The following PTCH1 variants were observed in gnomAD, a reference collection of about 807,000 sequenced individuals.
PTCH1 encodes the protein patched 1, also known as protein patched homolog 1.
Under a neutral mutation model 144.6 loss-of-function variants are expected in PTCH1, and 14 were observed. That is an observed-to-expected ratio of 0.10 (90% CI 0.06 to 0.15). PTCH1 has a LOEUF of 0.15. PTCH1 is among the 10% of genes least tolerant of loss of function. PTCH1 has a pLI of 1.00. For missense variants in PTCH1, 1,623 were observed against 1,948.3 expected (o/e 0.83, Z 3.14); for synonymous variants, 833 against 793.6 (o/e 1.05, Z -0.83).
In PTCH1 at chr9:95,444,666, G is replaced by A. The variant is rs1403905169; in HGVS notation, c.*1727C>T. The A allele has an allele frequency of 6.6e-6, 1 of 152,322 alleles. No homozygotes were observed. The highest frequency in any genetic ancestry group is 1.5e-5 in the Non-Finnish European group (1 of 68,144). 9.4% of individuals were successfully genotyped at this position (152,322 alleles called of 1,614,324 possible). The stretch of plus-strand genomic sequence containing the variant: ...GATTTCCCAGGTAATTTAAAAGGGA[G>A]TAACAGGAGCTGCCACTCGTGAGCG... On this transcript the variant is annotated 3_prime_UTR_variant, in exon 24 of 24. Coordinates refer to ENST00000331920, the MANE Select transcript of PTCH1 (RefSeq NM_000264.5).
chr9:95,485,623 C>G, intron 3 of PTCH1, 62 bp downstream of exon 3: 1 of 1,599,030 alleles, frequency 6.3e-7, no homozygotes, highest in Admixed American at 1.7e-5. Flanking sequence ...GGGCCTAAAC[C>G]AGCAGCCTTC....
At chr9:95,506,128 G>A (rs1170917149) in intron 2 of PTCH1, 1 of 182,914 alleles carries the variant, frequency 5.5e-6, no homozygotes, top group Admixed American at 6.3e-5. Context: ...CCGGCGCGCA[G>A]AGTGGTCCGT....
At position 95,508,370 on chromosome 9, in the gene PTCH1, C is replaced by CGCT; in HGVS notation, c.-10_-9insAGC. ...TTACCAGCCGAGGCCATGTTGCCGC[C>CGCT]GCCGCCGCCGCCGCCGCGGGGACGG... is the stretch of plus-strand genomic sequence containing the variant. On this transcript the variant is annotated 5_prime_UTR_variant, in exon 1 of 24. Coordinates refer to ENST00000331920, the MANE Select transcript of PTCH1 (RefSeq NM_000264.5). 9.0e-7 allele frequency: 1 copy of CGCT among 1,116,232 alleles called. No individual in the cohort carries two copies. Among genetic ancestry groups the CGCT allele is most frequent in the Non-Finnish European group, 1.1e-6 (1 of 906,280 alleles). 69.1% of individuals were successfully genotyped at this position (1,116,232 alleles called of 1,614,324 possible).
chr9:95,455,882 T>G (rs1434749392), intron 19 of PTCH1, among the ~76,000 whole-genome samples: 2 of 152,142 alleles, frequency 1.3e-5, no homozygotes, highest in African/African-American at 4.8e-5. Flanking sequence ...TCCCCACTGT[T>G]CCTGTTGTTT....
At position 95,458,429 on chromosome 9, in the gene PTCH1, T is replaced by C; in HGVS notation, c.2888-136A>G. 2 of 1,167,390 alleles carry C rather than the reference T, an allele frequency of 1.7e-6. No individual in the cohort carries two copies. The highest frequency in any genetic ancestry group is 2.7e-5 in the South Asian group (2 of 75,140). 72.3% of individuals were successfully genotyped at this position (1,167,390 alleles called of 1,614,324 possible). On this transcript the variant is annotated intron_variant, in intron 17 of 23. Coordinates refer to ENST00000331920, the MANE Select transcript of PTCH1 (RefSeq NM_000264.5). The surrounding 1 kb of genome is among the most constrained non-coding windows in gnomAD (Gnocchi z 4.7). Reference sequence around the variant, plus strand: ...TGATACAAAGAACAAACAATGCTGATCATAGCCTCCAGGCCTTTACGATCT... The same window carrying C: ...TGATACAAAGAACAAACAATGCTGACCATAGCCTCCAGGCCTTTACGATCT...
intron 2 of PTCH1, among the ~76,000 whole-genome samples, chr9:95,498,259 T>C (rs1842919846): frequency 6.6e-6 from 1 of 152,216 alleles, no homozygotes. Context: ...TGCTTCTCAC[T>C]AGCCTTGCTT....
At chr9:95,492,579 T>C (rs1450808452) in intron 2 of PTCH1, among the ~76,000 whole-genome samples, 1 of 152,016 alleles carries the variant, frequency 6.6e-6, no homozygotes, top group African/African-American at 2.4e-5. Context: ...AAATTTCATG[T>C]TTAGAGTTGG....
At chr9:95,502,432 T>C (rs1382211662) in intron 2 of PTCH1, among the ~76,000 whole-genome samples, 2 of 152,226 alleles carry the variant, frequency 1.3e-5, no homozygotes, top group African/African-American at 4.8e-5. Context: ...AATGAACGCT[T>C]CTATTTTTAT....
Position 95,509,196 on chromosome 9 carries a change from T to A in PTCH1, c.-835A>T, listed in dbSNP as rs1376561677. On this transcript the variant is annotated 5_prime_UTR_variant, in exon 1 of 24. Coordinates refer to ENST00000331920, the MANE Select transcript of PTCH1 (RefSeq NM_000264.5). ...CGCAGCAGCTCCTTGATTCAATAGA[T>A]GAGATGGAAGAAGAAAAAAAAGAAC... 7.2e-6 allele frequency among the ~76,000 whole-genome samples: 1 copy of A among 139,060 alleles called. No individual in the cohort carries two copies. The highest frequency in any genetic ancestry group is 1.5e-5 in the Non-Finnish European group (1 of 66,618). 91.2% of individuals were successfully genotyped at this position (139,060 alleles called of 152,430 possible).
At chr9:95,515,949 C>G (rs1844343996) in intron 1 of PTCH1, among the ~76,000 whole-genome samples, 2 of 151,998 alleles carry the variant, frequency 1.3e-5, no homozygotes, top group African/African-American at 4.8e-5. Context: ...TGCGGCTGCT[C>G]CCGCGAGCTG....
chr9:95,506,279 A>G lies in PTCH1; in HGVS notation c.394+128T>C, dbSNP rs1052987881. 6.2e-6 allele frequency: 7 copies of G among 1,126,506 alleles called. No individual in the cohort carries two copies. The South Asian group carries it at 7.8e-5, about 13-fold the overall frequency. The allele number at this position is 1,126,506 out of a possible 1,614,324, so 69.8% of individuals were successfully genotyped here. A position where few individuals can be genotyped will look rare whatever the true frequency, so the allele number is the denominator to read the frequency against. On this transcript the variant is annotated intron_variant, in intron 2 of 23. Coordinates refer to ENST00000331920, the MANE Select transcript of PTCH1 (RefSeq NM_000264.5). ...CGGCCAGGCGCCCAAACAATAAACAATCCCCCGGGTGCGGGCAGGGGGTTT... is the reference window on the plus strand; with the variant it reads ...CGGCCAGGCGCCCAAACAATAAACAGTCCCCCGGGTGCGGGCAGGGGGTTT...
intron 3 of PTCH1, 74 bp downstream of exon 3, chr9:95,485,611 C>T (rs947691751): frequency 1.4e-5 from 22 of 1,563,936 alleles, no homozygotes; most frequent in East Asian, 6.7e-5. Context: ...ACTAAAATAA[C>T]GGGGCCTAAA....
Position 95,461,991 on chromosome 9 carries a change from C to T in PTCH1, c.2568G>A (p.Gln856=), listed in dbSNP as rs766482471. 6.2e-7 allele frequency: 1 copy of T among 1,614,200 alleles called. No individual in the cohort carries two copies. The highest frequency in any genetic ancestry group is 1.1e-5 in the South Asian group (1 of 91,084). ...HYFRDWLQGL[Q]DAFDSDWETG... ...TTTCCCAGTCACTGTCAAATGCATC[C>T]TGAAGTCCTAGAAATGGCAAATGAT... Residue 856 remains glutamine, a synonymous_variant, in exon 16 of 24, where the codon CAG becomes CAA. Transcript: ENST00000331920.
intron 20 of PTCH1, chr9:95,453,205 T>C: frequency 2.3e-6 from 1 of 430,710 alleles, no homozygotes; most frequent in Non-Finnish European, 4.4e-6. Context: ...CAATCTCAGC[T>C]CACTGCAACC....
In PTCH1 at chr9:95,443,063, A is replaced by G. The variant is rs985378655; in HGVS notation, c.*3330T>C. ...ATAAGTATGCTAAGAGAGATGACAG[A>G]AGGACTAATTTTGATGGTTAACTTA... On this transcript the variant is annotated 3_prime_UTR_variant, in exon 24 of 24. Transcript: ENST00000331920. The G allele has an allele frequency of 6.6e-6, 1 of 152,222 alleles. No individual in the cohort carries two copies. The allele number at this position is 152,222 out of a possible 1,614,324, so 9.4% of individuals were successfully genotyped here. A position where few individuals can be genotyped will look rare whatever the true frequency, so the allele number is the denominator to read the frequency against.
chr9:95,492,609 T>C (rs1842490531), intron 2 of PTCH1, among the ~76,000 whole-genome samples: 2 of 152,018 alleles, frequency 1.3e-5, no homozygotes, highest in African/African-American at 4.8e-5. Flanking sequence ...TCAAGCTTTC[T>C]CATCATGCTT....
chr9:95,467,952 G>T (rs188260962), intron 14 of PTCH1, among the ~76,000 whole-genome samples: 4 of 151,870 alleles, frequency 2.6e-5, no homozygotes, highest in Admixed American at 2.0e-4. Context: ...TGTCTCCCAG[G>T]ATGGAGTGCA....
Position 95,480,038 on chromosome 9 carries a change from T to C in PTCH1, c.998A>G (p.Lys333Arg), listed in dbSNP as rs1238175144. ...CAACTCCTCCTGCCAGTGCATATAC[T>C]TTCTGGATAAGCCATGACATCCACC... ...LNGGCHGLSR[K>R]YMHWQEELIV... The change falls in exon 7 of 24, where the codon AAG (lysine) becomes AGG (arginine). Residue 333 changes from lysine to arginine, a missense_variant. Coordinates refer to ENST00000331920, the MANE Select transcript of PTCH1 (RefSeq NM_000264.5). 9 of 1,614,078 alleles carry C rather than the reference T, an allele frequency of 5.6e-6. No individual in the cohort carries two copies. Among genetic ancestry groups the C allele is most frequent in the Non-Finnish European group, 6.8e-6 (8 of 1,180,030 alleles).
chr9:95,468,532 A>C (rs1297150402), intron 14 of PTCH1, among the ~76,000 whole-genome samples: 2 of 152,260 alleles, frequency 1.3e-5, no homozygotes, highest in Non-Finnish European at 2.9e-5. Flanking sequence ...ATTCATAAAA[A>C]GACTTGCTGC....
Sources: allele counts gnomAD v4.1 joint callset (sites outside exome capture counted in the v4.1 genomes callset), GRCh38; gene constraint gnomAD v4.1.1; non-coding constraint Gnocchi (gnomAD v3.1); transcripts MANE v1.5; gene names NCBI Gene and HGNC (gene_info 2026-07-23, HGNC 2026-07-21).